PCDH9: variants seen among roughly 807,000 people sequenced by gnomAD.
PCDH9 encodes protocadherin-9.
Under a neutral mutation model 70.6 loss-of-function variants are expected in PCDH9, and 24 were observed. The observed-to-expected ratio is 0.34, with a 90% confidence interval of 0.25 to 0.48. PCDH9 has a LOEUF of 0.48. PCDH9 is among the 20% of genes least tolerant of loss of function. The pLI is 0.99. For synonymous variants in PCDH9, 562 were observed against 558.5 expected, an observed-to-expected ratio of 1.01 and a Z score of -0.09; for missense variants, 1,281 against 1,503.6, an observed-to-expected ratio of 0.85 and a Z score of 2.45.
chr13:66,413,133 T>A (rs143974770), intron 4 of PCDH9, among the ~76,000 whole-genome samples: 1 of 152,216 alleles, frequency 6.6e-6, no homozygotes, highest in Admixed American at 6.5e-5. Flanking sequence ...CAAGTGCTTC[T>A]AATTCATTCC....
intron 4 of PCDH9, among the ~76,000 whole-genome samples, chr13:66,440,142 T>G (rs1957946550): frequency 6.6e-6 from 1 of 152,326 alleles, no homozygotes; most frequent in African/African-American, 2.4e-5. Flanking sequence ...TTCTGTCTAC[T>G]TCGATGAGAA....
intron 3 of PCDH9, among the ~76,000 whole-genome samples, chr13:66,768,263 G>T (rs1382423555): frequency 6.6e-6 from 1 of 151,982 alleles, no homozygotes; most frequent in Admixed American, 6.6e-5. Context: ...AAAATGAAAA[G>T]AATTGAACTA....
chr13:66,907,969 C>T (rs2082391269), intron 2 of PCDH9, among the ~76,000 whole-genome samples: 1 of 152,098 alleles, frequency 6.6e-6, no homozygotes, highest in African/African-American at 2.4e-5. Context: ...AAACGTTATT[C>T]CTACCCATTT....
intron 4 of PCDH9, among the ~76,000 whole-genome samples, chr13:66,470,723 T>TA (rs78861607): frequency 0.13 from 17,896 of 136,846 alleles, 1,198 homozygotes; most frequent in Middle Eastern, 0.24. Context: ...GCTCTGAAAT[T>TA]AAAAAAAAAA....
At chr13:66,853,201 C>CAATAAT (rs71207610) in intron 3 of PCDH9, among the ~76,000 whole-genome samples, 10,697 of 145,720 alleles carry the variant, frequency 0.073, 457 homozygotes, top group East Asian at 0.17. Context: ...TGAATAGTAG[C>CAATAAT]AATAATAATA....
chr13:66,425,265 G>A (rs1957649370), intron 4 of PCDH9, among the ~76,000 whole-genome samples: 1 of 151,506 alleles, frequency 6.6e-6, no homozygotes, highest in Non-Finnish European at 1.5e-5. Flanking sequence ...GCAAAGCTTT[G>A]ACAACTTTGA....
chr13:66,860,626 G>T (rs1423875526), intron 3 of PCDH9, among the ~76,000 whole-genome samples: 1 of 152,214 alleles, frequency 6.6e-6, no homozygotes, highest in African/African-American at 2.4e-5. Context: ...CATGCAAGAA[G>T]TGCTCTGGCA....
intron 3 of PCDH9, among the ~76,000 whole-genome samples, chr13:66,812,657 C>T (rs2080530119): frequency 6.6e-6 from 1 of 152,174 alleles, no homozygotes; most frequent in Admixed American, 6.5e-5. Flanking sequence ...CAGAGTACTA[C>T]ATCTAGGTAT....
chr13:66,491,687 T>C (rs919462737), intron 4 of PCDH9, among the ~76,000 whole-genome samples: 1 of 152,138 alleles, frequency 6.6e-6, no homozygotes, highest in Non-Finnish European at 1.5e-5. Context: ...ATTCCTTTTG[T>C]TATATTATCA....
intron 4 of PCDH9, among the ~76,000 whole-genome samples, chr13:66,482,506 C>A (rs1156335228): frequency 1.3e-5 from 2 of 152,080 alleles, no homozygotes; most frequent in Non-Finnish European, 2.9e-5. Context: ...TTCAGTGTCT[C>A]AAAAAATAGA....
Position 66,807,648 on chromosome 13 carries a change from TTTG to T in PCDH9, c.3138+95853_3138+95855del, listed in dbSNP as rs542390552. ...CAGCATAAAAAACACTAAATAAGTATTTGTTATCTTATTAATATAATTTTTGAA... is the reference window on the plus strand; with the variant it reads ...CAGCATAAAAAACACTAAATAAGTATTTATCTTATTAATATAATTTTTGAA... On this transcript the variant is annotated intron_variant, in intron 3 of 4. Transcript: ENST00000377865. Among the ~76,000 whole-genome samples the T allele has an allele frequency of 3.3e-3, 505 of 152,256 alleles. 2 individuals are homozygous for T. The highest frequency in any genetic ancestry group is 0.011 in the African/African-American group (448 of 41,568).
chr13:67,142,344 T>C (rs569806228), intron 2 of PCDH9, among the ~76,000 whole-genome samples: 3 of 152,280 alleles, frequency 2.0e-5, no homozygotes, highest in African/African-American at 7.2e-5. Context: ...CTACATAAAA[T>C]ACCTATGACA....
At chr13:66,850,590 T>C (rs1484577119) in intron 3 of PCDH9, among the ~76,000 whole-genome samples, 2 of 152,146 alleles carry the variant, frequency 1.3e-5, no homozygotes, top group Admixed American at 6.5e-5. Context: ...GGCATGGTTA[T>C]CATTTCCTTT....
intron 4 of PCDH9, among the ~76,000 whole-genome samples, chr13:66,447,113 A>C (rs999358884): frequency 1.3e-5 from 2 of 152,076 alleles, no homozygotes; most frequent in Non-Finnish European, 2.9e-5. Context: ...TAAAAAATGC[A>C]TACTTCTCTA....
chr13:66,556,745 T>C (rs1961756810), intron 4 of PCDH9, among the ~76,000 whole-genome samples: 1 of 152,124 alleles, frequency 6.6e-6, no homozygotes, highest in Admixed American at 6.5e-5. Context: ...CTTAAAACTA[T>C]ATTGTGGCGA....
At chr13:66,606,373 A>AT (rs1233056956) in intron 4 of PCDH9, among the ~76,000 whole-genome samples, 1 of 152,128 alleles carries the variant, frequency 6.6e-6, no homozygotes, top group Non-Finnish European at 1.5e-5. Context: ...CTTCTCATGA[A>AT]TCCTCCATTC....
intron 4 of PCDH9, among the ~76,000 whole-genome samples, chr13:66,557,108 T>G (rs1961771877): frequency 6.6e-6 from 1 of 152,306 alleles, no homozygotes; most frequent in African/African-American, 2.4e-5. Context: ...CAAATACTGC[T>G]GAGGAAGTAG....
intron 2 of PCDH9, among the ~76,000 whole-genome samples, chr13:67,041,658 C>T (rs1463596451): frequency 1.3e-5 from 2 of 151,640 alleles, no homozygotes; most frequent in Non-Finnish European, 1.5e-5. Flanking sequence ...GGTGAAACCC[C>T]GTCTCTACTA....
At chr13:66,835,423 T>C (rs991397251) in intron 3 of PCDH9, among the ~76,000 whole-genome samples, 2 of 152,162 alleles carry the variant, frequency 1.3e-5, no homozygotes, top group African/African-American at 2.4e-5. Context: ...AAAATGGTGA[T>C]GGTGATATGG....
Sources: allele counts gnomAD v4.1 joint callset (sites outside exome capture counted in the v4.1 genomes callset), GRCh38; gene constraint gnomAD v4.1.1; transcripts MANE v1.5; gene names NCBI Gene and HGNC (gene_info 2026-07-23, HGNC 2026-07-21).